TPD52: variants seen among roughly 807,000 people sequenced by gnomAD.
TPD52 encodes the protein prostate and colon associated protein.
Under a neutral mutation model 31.3 loss-of-function variants are expected in TPD52, and 17 were observed. That is an observed-to-expected ratio of 0.54 (90% CI 0.37 to 0.82). The LOEUF is 0.82. Among genes scored for constraint, TPD52 ranks in the 40% least tolerant of loss-of-function variants. TPD52 has a pLI of 0.00. For synonymous variants in TPD52, 83 were observed against 89.6 expected (o/e 0.93, Z 0.42); for missense variants, 212 against 240.1 (o/e 0.88, Z 0.77).
Position 80,064,546 on chromosome 8 carries a change from C to T in TPD52, c.67G>A (p.Ala23Thr), listed in dbSNP as rs1812911264. 2 of 1,614,078 alleles carry T rather than the reference C, an allele frequency of 1.2e-6. No homozygotes were observed. Among genetic ancestry groups the T allele is most frequent in the African/African-American group, 2.7e-5 (2 of 74,934 alleles). ...AGGGTCTCTGTGGCACTGATCGTGG[C>T]AGCAACATCTTCTCCTTCCTCAGGG... ...PVPEEGEDVA[A>T]TISATETLSE... The change falls in exon 2 of 8, where the codon GCC becomes ACC. Residue 23 changes from alanine to threonine, a missense_variant. Physicochemically the swap from Ala to Thr is moderately conservative, Grantham distance 58. Coordinates refer to ENST00000518937, the MANE Select transcript of TPD52 (RefSeq NM_001025253.3).
At chr8:80,047,624 A>G (rs1026320200) in intron 5 of TPD52, among the ~76,000 whole-genome samples, 2 of 152,212 alleles carry the variant, frequency 1.3e-5, no homozygotes, top group African/African-American at 4.8e-5. Flanking sequence ...AATTTTGATA[A>G]CTAAAATTGG....
intron 1 of TPD52, among the ~76,000 whole-genome samples, chr8:80,119,649 A>T (rs919758027): frequency 3.3e-5 from 5 of 152,186 alleles, no homozygotes; most frequent in East Asian, 1.9e-4. Flanking sequence ...GTTCATGTAA[A>T]ATTTGTTTCA....
intron 1 of TPD52, among the ~76,000 whole-genome samples, chr8:80,149,977 T>C (rs995296026): frequency 6.6e-6 from 1 of 152,056 alleles, no homozygotes; most frequent in African/African-American, 2.4e-5. Flanking sequence ...ATAAAGACAA[T>C]GGGGAAAATG....
chr8:80,146,012 T>TC (rs1338294741), intron 1 of TPD52, among the ~76,000 whole-genome samples: 3 of 152,090 alleles, frequency 2.0e-5, no homozygotes, highest in African/African-American at 7.2e-5. Flanking sequence ...ATTTATGAAT[T>TC]CCAAAAAATT....
At chr8:80,052,745 A>C (rs538989825) in intron 3 of TPD52, 2 of 1,150,650 alleles carry the variant, frequency 1.7e-6, no homozygotes, top group Middle Eastern at 2.2e-4. Flanking sequence ...AAAGACAAAA[A>C]GCCTAAGGGA....
intron 5 of TPD52, among the ~76,000 whole-genome samples, chr8:80,049,997 T>C (rs1199154404): frequency 6.6e-6 from 1 of 151,884 alleles, no homozygotes; most frequent in African/African-American, 2.4e-5. Context: ...CAATAGAAGA[T>C]GGAAGACTAA....
At chr8:80,165,670 T>A (rs1811664630) in intron 1 of TPD52, among the ~76,000 whole-genome samples, 1 of 152,216 alleles carries the variant, frequency 6.6e-6, no homozygotes. Context: ...CTTGCTAAAC[T>A]AAACCTTACC....
At chr8:80,153,582 T>C (rs546057979) in intron 1 of TPD52, among the ~76,000 whole-genome samples, 13 of 152,360 alleles carry the variant, frequency 8.5e-5, no homozygotes, top group African/African-American at 2.9e-4. Flanking sequence ...AATTCAAAGT[T>C]AAAACCTCCA....
intron 1 of TPD52, among the ~76,000 whole-genome samples, chr8:80,122,533 A>C (rs1808328295): frequency 6.6e-6 from 1 of 152,220 alleles, no homozygotes; most frequent in African/African-American, 2.4e-5. Context: ...ATAAGGGCCA[A>C]AGTAAGCAGT....
In TPD52 at chr8:80,116,734, A is replaced by G. The variant is rs537356977; in HGVS notation, c.20-52141T>C. 2.2e-4 allele frequency among the ~76,000 whole-genome samples: 33 copies of G among 152,138 alleles called. No homozygotes were observed. In the South Asian group the frequency reaches 6.6e-3, roughly 31 times the overall value. On this transcript the variant is annotated intron_variant, in intron 1 of 7. Transcript: ENST00000518937. ...AGTATTTCTAATAAATACAGACACGAAAGTCCTCAGCATAATACTAGCAAA... is the reference window on the plus strand; with the variant it reads ...AGTATTTCTAATAAATACAGACACGGAAGTCCTCAGCATAATACTAGCAAA...
intron 2 of TPD52, among the ~76,000 whole-genome samples, chr8:80,054,234 C>G (rs552755306): frequency 3.9e-5 from 6 of 152,182 alleles, no homozygotes; most frequent in South Asian, 4.1e-4. Context: ...CTTGAAGAAG[C>G]CTTGAGGTAT....
At chr8:80,161,023 C>T (rs1037812908) in intron 1 of TPD52, among the ~76,000 whole-genome samples, 2 of 151,824 alleles carry the variant, frequency 1.3e-5, no homozygotes, top group African/African-American at 4.8e-5. Context: ...AATCACTGCA[C>T]TCCACTGCAC....
chr8:80,125,292 TTAA>T (rs1563644230), intron 1 of TPD52, among the ~76,000 whole-genome samples: 1 of 152,146 alleles, frequency 6.6e-6, no homozygotes, highest in African/African-American at 2.4e-5. Flanking sequence ...AACCAAAATA[TTAA>T]TAACGAGACC....
At chr8:80,051,691 T>G in intron 3 of TPD52, 63 bp from the exon 4 acceptor site, 1 of 1,352,714 alleles carries the variant, frequency 7.4e-7, no homozygotes, top group Non-Finnish European at 1.0e-6. Flanking sequence ...TAATATCAAT[T>G]GTTTCAAGTG....
chr8:80,169,585 C>T (rs1436683729), intron 1 of TPD52, among the ~76,000 whole-genome samples: 3 of 152,220 alleles, frequency 2.0e-5, no homozygotes, highest in Admixed American at 1.3e-4. Flanking sequence ...AGTTACTCCA[C>T]TCACGTAAGT....
At chr8:80,063,938 C>T (rs1382870860) in intron 2 of TPD52, among the ~76,000 whole-genome samples, 1 of 84,504 alleles carries the variant, frequency 1.2e-5, no homozygotes, top group Non-Finnish European at 2.2e-5. Flanking sequence ...GGAGGGGGGG[C>T]GGAAAGAGAA....
rs914285071 is a variant in TPD52 at position 80,088,828 on chromosome 8, T to C, written c.20-24235A>G. Among the ~76,000 whole-genome samples, 7 of 152,170 alleles carry C rather than the reference T, an allele frequency of 4.6e-5. No individual in the cohort carries two copies. The South Asian group carries it at 1.4e-3, about 32-fold the overall frequency. ...TAGGGATGCTCACGCAAAAGGCCTT[T>C]TTCACAGAAAAAAGGCCAGGGAGGA... On this transcript the variant is annotated intron_variant, in intron 1 of 7. Coordinates refer to ENST00000518937, the MANE Select transcript of TPD52 (RefSeq NM_001025253.3).
chr8:80,114,982 G>C (rs1807762228), intron 1 of TPD52, among the ~76,000 whole-genome samples: 1 of 152,150 alleles, frequency 6.6e-6, no homozygotes, highest in Non-Finnish European at 1.5e-5. Flanking sequence ...GGGCCCTGAT[G>C]GTCTGGGATT....
At chr8:80,114,491 A>C (rs910021931) in intron 1 of TPD52, among the ~76,000 whole-genome samples, 2 of 152,146 alleles carry the variant, frequency 1.3e-5, no homozygotes, top group African/African-American at 4.8e-5. Context: ...CCTGACACAC[A>C]TAAATATTTG....
Sources: allele counts gnomAD v4.1 joint callset (sites outside exome capture counted in the v4.1 genomes callset), GRCh38; gene constraint gnomAD v4.1.1; transcripts MANE v1.5; gene names NCBI Gene and HGNC (gene_info 2026-07-23, HGNC 2026-07-21).